The following PRICKLE3 variants were observed in gnomAD, a reference collection of about 807,000 sequenced individuals.
PRICKLE3 encodes LIM domain only protein 6.
In PRICKLE3, 17 loss-of-function variants were observed where a neutral mutation model predicts 33.8. The ratio of observed to expected loss-of-function variants is 0.50; its 90% CI spans 0.34 to 0.75. The LOEUF (loss-of-function observed/expected upper bound fraction) is 0.75, where lower values mean the gene tolerates loss of function less well. Among genes scored for constraint, PRICKLE3 ranks in the 30% least tolerant of loss-of-function variants. The pLI, the probability that PRICKLE3 is intolerant of heterozygous loss-of-function variation, is 0.01. For synonymous variants in PRICKLE3, 211 were observed against 219.6 expected, an observed-to-expected ratio of 0.96 and a Z score of 0.34; for missense variants, 573 against 576.7, an observed-to-expected ratio of 0.99 and a Z score of 0.07.
rs782180608 is a variant in PRICKLE3 at position 49,178,350 on chromosome X, G to A, written c.690C>T (p.Tyr230=). 9 of 1,209,358 alleles carry A rather than the reference G, an allele frequency of 7.4e-6. No individual in the cohort carries two copies. In the South Asian group the frequency reaches 1.6e-4, roughly 21 times the overall value. Reference sequence around the variant, plus strand: ...AGTAGACCTTGCCAACATGGTAGAAGTAGATGAGGTCAACCAGCAGTTCCT... The same window carrying A: ...AGTAGACCTTGCCAACATGGTAGAAATAGATGAGGTCAACCAGCAGTTCCT... ...TCQELLVDLI[Y]FYHVGKVYCG... Residue 230 remains tyrosine (Y), a synonymous_variant, in exon 6 of 9, where the codon TAC becomes TAT. Coordinates refer to ENST00000599218, the MANE Select transcript of PRICKLE3 (RefSeq NM_006150.5).
At chrX:49,178,830 C>T (rs1012213193) in intron 5 of PRICKLE3, among the ~76,000 whole-genome samples, 2 of 111,631 alleles carry the variant, frequency 1.8e-5, no homozygotes, top group African/African-American at 3.3e-5. Flanking sequence ...ATAGATCTCA[C>T]CTAACAGTAG....
chrX:49,179,644 A>T, intron 4 of PRICKLE3, 49 bp downstream of exon 4: 1 of 1,032,359 alleles, frequency 9.7e-7, no homozygotes, highest in Non-Finnish European at 1.3e-6. Context: ...GCATTGGCCC[A>T]GGCTGTGTGC....
chrX:49,184,739 C>A lies in PRICKLE3; in HGVS notation c.43-29G>T, dbSNP rs923340403. On this transcript the variant is annotated intron_variant, in intron 1 of 8. Transcript: ENST00000599218. The stretch of plus-strand genomic sequence containing the variant: ...CAGTGGGCGGGGGCAGATGCAGGGC[C>A]GGGTGAGGCGCGGAAGCAGGGAAGG... 7 of 1,161,552 alleles carry A rather than the reference C, an allele frequency of 6.0e-6. No homozygotes were observed. In the Admixed American group the frequency reaches 1.6e-4, roughly 26 times the overall value.
Position 49,177,218 on chromosome X carries a change from A to G in PRICKLE3, c.956-16T>C. ...TGGTCCAGGCCTGTGGGGAACGACGAGGGGGAAAAACTGAGGCAGAACCCC... is the reference window on the plus strand; with the variant it reads ...TGGTCCAGGCCTGTGGGGAACGACGGGGGGGAAAAACTGAGGCAGAACCCC... On this transcript the variant is annotated splice_polypyrimidine_tract_variant and intron_variant, in intron 7 of 8. Transcript: ENST00000599218. The G allele has an allele frequency of 8.9e-7, 1 of 1,129,105 alleles. No individual in the cohort carries two copies. The highest frequency in any genetic ancestry group is 1.8e-5 in the African/African-American group (1 of 54,932). The allele number at this position is 1,129,105 out of a possible 1,213,427, so 93.1% of individuals were successfully genotyped here. A position where few individuals can be genotyped will look rare whatever the true frequency, so the allele number is the denominator to read the frequency against.
chrX:49,177,228 A>T (rs1557100288), intron 7 of PRICKLE3, 26 bp from the exon 8 acceptor site: 6 of 1,113,855 alleles, frequency 5.4e-6, no homozygotes, highest in Admixed American at 3.2e-5. Context: ...AGGGGGAAAA[A>T]CTGAGGCAGA....
Position 49,175,241 on chromosome X carries a change from G to A in PRICKLE3, c.*432C>T. On this transcript the variant is annotated 3_prime_UTR_variant, in exon 9 of 9. Transcript: ENST00000599218. The stretch of plus-strand genomic sequence containing the variant: ...AATTACTTCAATAATACAAACGAGA[G>A]GCCCGGTGCGGTGGCTCATGCCTGT... 2 of 169,556 alleles carry A rather than the reference G, an allele frequency of 1.2e-5. No homozygotes were observed. Among genetic ancestry groups the A allele is most frequent in the Non-Finnish European group, 2.2e-5 (2 of 89,652 alleles). The allele number at this position is 169,556 out of a possible 1,213,427, so 14.0% of individuals were successfully genotyped here. A position where few individuals can be genotyped will look rare whatever the true frequency, so the allele number is the denominator to read the frequency against.
intron 3 of PRICKLE3, 102 bp downstream of exon 3, chrX:49,183,632 C>T (rs1460544427): frequency 1.5e-5 from 18 of 1,167,898 alleles, no homozygotes; most frequent in Non-Finnish European, 2.1e-5. Context: ...CACACTCTAG[C>T]GTAGCCCCAG....
chrX:49,177,859 A>G (rs1557100352), intron 7 of PRICKLE3, 134 bp downstream of exon 7: 2 of 711,167 alleles, frequency 2.8e-6, no homozygotes, highest in Non-Finnish European at 4.0e-6. Flanking sequence ...GTACAGGTCT[A>G]TAGTGTTGGG....
rs1557100131 is a variant in PRICKLE3, at chrX:49,176,934, G to A, written c.1224C>T (p.Thr408=). 1 of 1,202,352 alleles carries A rather than the reference G, an allele frequency of 8.3e-7. No homozygotes were observed. The highest frequency in any genetic ancestry group is 2.3e-5 in the Admixed American group (1 of 43,584). ...CTAACTCTGTGCTGGTGCCTTTGGT[G>A]GTGGTCTCTGATGCCCCCTTCACAG... ...FSAVKGASET[T]TKGTSTELAP... The change falls in exon 8 of 9, where the codon ACC becomes ACT. Residue 408 remains threonine, a synonymous_variant. Coordinates refer to ENST00000599218, the MANE Select transcript of PRICKLE3 (RefSeq NM_006150.5).
chrX:49,184,873 C>T (rs1250351820), intron 1 of PRICKLE3, 163 bp from the exon 2 acceptor site: 5 of 1,143,922 alleles, frequency 4.4e-6, no homozygotes, highest in Non-Finnish European at 5.8e-6. Context: ...TGCGGGGGAG[C>T]GGGACACAAC....
intron 3 of PRICKLE3, chrX:49,183,471 C>T (rs1602604139): frequency 1.8e-6 from 1 of 548,496 alleles, no homozygotes; most frequent in East Asian, 4.2e-5. Context: ...TGGTGGGCAA[C>T]AGAGTGAGAC....
Position 49,178,007 on chromosome X carries a change from C to T in PRICKLE3, c.941G>A (p.Cys314Tyr). 2.6e-6 allele frequency: 3 copies of T among 1,146,237 alleles called. No homozygotes were observed. In the South Asian group the frequency reaches 6.3e-5, roughly 24 times the overall value. 94.5% of individuals were successfully genotyped at this position (1,146,237 alleles called of 1,213,427 possible). ...EARHAEYCDGCGEHIGLDQGQ... is the reference protein window; with the variant it reads ...EARHAEYCDGYGEHIGLDQGQ... ...CATTCACCCACCGATGTGCTCCCCA[C>T]AGCCATCACAGTACTCCGCGTGGCG... Residue 314 changes from cysteine (C) to tyrosine (Y), a missense_variant, in exon 7 of 9, where the codon TGT (cysteine) becomes TAT (tyrosine). Cys to Tyr is a radical substitution (Grantham distance 194). Coordinates refer to ENST00000599218, the MANE Select transcript of PRICKLE3 (RefSeq NM_006150.5).
rs782300571 is a variant in PRICKLE3, at chrX:49,176,045, T to G, written c.1476A>C (p.Ala492=). Residue 492 remains alanine (A), a synonymous_variant, in exon 9 of 9, where the codon GCA becomes GCC. Transcript: ENST00000599218. ...GTGGCCTGCGGCGCTGGGCCGGGGG[T>G]GCACTCAGGGTCCGGCGCGGGCCTC... is the stretch of plus-strand genomic sequence containing the variant. ...SEGGPRRTLS[A]PPAQRRRPRS... is the part of the protein sequence containing the mutation. 1 of 1,205,229 alleles carries G rather than the reference T, an allele frequency of 8.3e-7. No individual in the cohort carries two copies. Among genetic ancestry groups the G allele is most frequent in the South Asian group, 1.8e-5 (1 of 56,576 alleles).
chrX:49,181,458 ATAAT>A (rs1174934955), intron 3 of PRICKLE3, among the ~76,000 whole-genome samples: 1 of 93,845 alleles, frequency 1.1e-5, no homozygotes, highest in Non-Finnish European at 2.1e-5. Flanking sequence ...TATACGTAAA[ATAAT>A]TATTTTATAT....
At position 49,176,078 on chromosome X, in the gene PRICKLE3, C is replaced by T. The variant is rs200059622; in HGVS notation, c.1443G>A (p.Val481=). Residue 481 remains valine (V), a synonymous_variant, in exon 9 of 9, where the codon GTG becomes GTA. Coordinates refer to ENST00000599218, the MANE Select transcript of PRICKLE3 (RefSeq NM_006150.5). ...TPRVSFRDPL[V]SEGGPRRTLS... ...GGGTCCGGCGCGGGCCTCCTTCAGACACCAGAGGGTCGCGGAAGCTGACGC... is the reference window on the plus strand; with the variant it reads ...GGGTCCGGCGCGGGCCTCCTTCAGATACCAGAGGGTCGCGGAAGCTGACGC... 1.7e-6 allele frequency: 2 copies of T among 1,205,794 alleles called. No homozygotes were observed. The highest frequency in any genetic ancestry group is 2.2e-6 in the Non-Finnish European group (2 of 893,698).
At position 49,174,924 on chromosome X, in the gene PRICKLE3, C is replaced by T. The variant is rs782751362; in HGVS notation, c.*749G>A. On this transcript the variant is annotated 3_prime_UTR_variant, in exon 9 of 9. Transcript: ENST00000599218. ...CTTCTGCACGATCCAATAGGAGACA[C>T]CAGTTCTGACTGAACCATGCCCCCA... 65 of 453,459 alleles carry T rather than the reference C, an allele frequency of 1.4e-4. No individual in the cohort carries two copies. Among genetic ancestry groups the T allele is most frequent in the Non-Finnish European group, 2.4e-4 (61 of 255,350 alleles). The allele number at this position is 453,459 out of a possible 1,213,427, so 37.4% of individuals were successfully genotyped here.
At position 49,183,869 on chromosome X, in the gene PRICKLE3, G is replaced by T; in HGVS notation, c.177C>A (p.His59Gln). ...TGCGTTCCAGGTCCACAGGCACCGCGTGCACTGCATGCTCCTCCCGCGGGC... is the reference window on the plus strand; with the variant it reads ...TGCGTTCCAGGTCCACAGGCACCGCTTGCACTGCATGCTCCTCCCGCGGGC... ...CKCPREEHAV[H>Q]AVPVDLERIM... is the part of the protein sequence containing the mutation. Residue 59 changes from histidine to glutamine, a missense_variant, in exon 3 of 9, where the codon CAC (histidine) becomes CAA (glutamine). Transcript: ENST00000599218. 8.3e-7 allele frequency: 1 copy of T among 1,211,596 alleles called. No individual in the cohort carries two copies. The highest frequency in any genetic ancestry group is 1.1e-6 in the Non-Finnish European group (1 of 895,283).
intron 1 of PRICKLE3, 76 bp downstream of exon 1, chrX:49,186,180 C>G: frequency 9.4e-7 from 1 of 1,065,623 alleles, no homozygotes; most frequent in Non-Finnish European, 1.3e-6. Flanking sequence ...CACCTATTCG[C>G]TATGCCTATC....
At position 49,178,462 on chromosome X, in the gene PRICKLE3, A is replaced by G. The variant is rs782110384; in HGVS notation, c.578T>C (p.Ile193Thr). 4 of 1,208,157 alleles carry G rather than the reference A, an allele frequency of 3.3e-6. No individual in the cohort carries two copies. Among genetic ancestry groups the G allele is most frequent in the Non-Finnish European group, 4.5e-6 (4 of 892,909 alleles). The change falls in exon 6 of 9, where the codon ATT (isoleucine) becomes ACT (threonine). Residue 193 changes from isoleucine (I) to threonine (T), a missense_variant. Ile to Thr is a moderately conservative substitution (Grantham distance 89). Transcript: ENST00000599218. ...AAACACTGCGATGTCCCCACCTCCA[A>G]TCTGCTTTCCGCACTGCCATGAGAC... ...GAICEECGKQ[I>T]GGGDIAVFAS...
Sources: allele counts gnomAD v4.1 joint callset (sites outside exome capture counted in the v4.1 genomes callset), GRCh38; gene constraint gnomAD v4.1.1; transcripts MANE v1.5; gene names NCBI Gene and HGNC (gene_info 2026-07-23, HGNC 2026-07-21).